The following ATP2B4 variants were observed in gnomAD, a reference collection of about 807,000 sequenced individuals.
The protein encoded by ATP2B4 is ATPase plasma membrane Ca2+ transporting 4, also known as plasma membrane calcium-transporting ATPase 4.
In ATP2B4, 39 loss-of-function variants were observed where a neutral mutation model predicts 110.3. That is an observed-to-expected ratio of 0.35 (90% CI 0.27 to 0.46). The LOEUF (loss-of-function observed/expected upper bound fraction) is 0.46. Ranked by LOEUF, ATP2B4 falls within the 20% of genes least tolerant of loss-of-function variation. The pLI is 1.00. For synonymous variants in ATP2B4, 538 were observed against 571.7 expected (o/e 0.94, Z 0.84); for missense variants, 1,135 against 1,530.9 (o/e 0.74, Z 4.32).
chr1:203,678,047 G>A (rs989751973), intron 1 of ATP2B4, among the ~76,000 whole-genome samples: 1 of 152,174 alleles, frequency 6.6e-6, no homozygotes, highest in African/African-American at 2.4e-5. Context: ...ATTATTCCAG[G>A]CAGGTCTGTC....
At chr1:203,684,295 A>T (rs1665109443) in intron 2 of ATP2B4, among the ~76,000 whole-genome samples, 1 of 151,586 alleles carries the variant, frequency 6.6e-6, no homozygotes, top group South Asian at 2.1e-4. Context: ...AGGTGAGAGG[A>T]TCACTTGAGC....
chr1:203,699,659 A>G lies in ATP2B4; in HGVS notation c.591A>G (p.Gln197=). ...EQKFSIIRNG[Q]LIQLPVAEIV... is the part of the protein sequence containing the mutation. Reference sequence around the variant, plus strand: ...AGTTCTCCATCATCCGAAACGGTCAACTCATCCAGCTCCCTGTGGCTGAGA... The same window carrying G: ...AGTTCTCCATCATCCGAAACGGTCAGCTCATCCAGCTCCCTGTGGCTGAGA... The change falls in exon 4 of 21, where the codon CAA becomes CAG. Residue 197 remains glutamine (Q), a synonymous_variant. Transcript: ENST00000357681. 6.2e-7 allele frequency: 1 copy of G among 1,614,058 alleles called. No individual in the cohort carries two copies. The highest frequency in any genetic ancestry group is 2.2e-5 in the East Asian group (1 of 44,884).
chr1:203,643,585 A>T (rs1383036116), intron 1 of ATP2B4, among the ~76,000 whole-genome samples: 1 of 152,206 alleles, frequency 6.6e-6, no homozygotes, highest in African/African-American at 2.4e-5. Flanking sequence ...CCTGGCTGGA[A>T]GGGGCTTGGC....
At chr1:203,723,059 C>T (rs1399881962) in intron 18 of ATP2B4, among the ~76,000 whole-genome samples, 2 of 152,086 alleles carry the variant, frequency 1.3e-5, no homozygotes, top group East Asian at 3.9e-4. Flanking sequence ...CTAGTATAGA[C>T]TCTCCCTGTC....
At chr1:203,647,664 T>A (rs777792756) in intron 1 of ATP2B4, among the ~76,000 whole-genome samples, 5 of 151,642 alleles carry the variant, frequency 3.3e-5, no homozygotes, top group African/African-American at 7.3e-5. Flanking sequence ...GAGGCTGAGG[T>A]GGGAGGCTTG....
At chr1:203,677,518 A>C (rs897314592) in intron 1 of ATP2B4, among the ~76,000 whole-genome samples, 1 of 152,172 alleles carries the variant, frequency 6.6e-6, no homozygotes, top group African/African-American at 2.4e-5. Context: ...GCGGGAGTGC[A>C]GTGGCACGAT....
intron 13 of ATP2B4, 104 bp downstream of exon 13, chr1:203,712,243 GT>G: frequency 7.5e-7 from 1 of 1,330,008 alleles, no homozygotes; most frequent in Non-Finnish European, 1.0e-6. Flanking sequence ...GGTTTCTAAA[GT>G]GAAAGCTATT....
intron 1 of ATP2B4, among the ~76,000 whole-genome samples, chr1:203,641,799 C>CA (rs1376992954): frequency 2.0e-5 from 3 of 151,902 alleles, no homozygotes; most frequent in African/African-American, 4.8e-5. Flanking sequence ...TTCTAATACA[C>CA]AAAAAAAGGT....
At chr1:203,657,009 A>G (rs1664182965) in intron 1 of ATP2B4, 5 of 737,610 alleles carry the variant, frequency 6.8e-6, no homozygotes, top group South Asian at 5.8e-5. Flanking sequence ...CATTTTCAGG[A>G]CTGTTGGTAA....
At chr1:203,672,309 T>A (rs72743699) in intron 1 of ATP2B4, among the ~76,000 whole-genome samples, 23,046 of 144,786 alleles carry the variant, frequency 0.16, 2,058 homozygotes, top group Middle Eastern at 0.24. Context: ...TGTTCCTGAG[T>A]AAGTTGCGGT....
intron 11 of ATP2B4, among the ~76,000 whole-genome samples, chr1:203,710,614 T>C (rs906966291): frequency 3.3e-5 from 5 of 152,216 alleles, no homozygotes; most frequent in African/African-American, 1.2e-4. Flanking sequence ...GATTCACAAA[T>C]GACTTGCATT....
At chr1:203,662,262 A>C (rs1215529425) in intron 1 of ATP2B4, among the ~76,000 whole-genome samples, 1 of 152,182 alleles carries the variant, frequency 6.6e-6, no homozygotes, top group Non-Finnish European at 1.5e-5. Flanking sequence ...TCCGGACCTC[A>C]TGATCCACCC....
At chr1:203,657,271 C>T (rs2102326720) in intron 1 of ATP2B4, 2 of 717,348 alleles carry the variant, frequency 2.8e-6, no homozygotes, top group South Asian at 3.2e-5. Flanking sequence ...CTTGTAAAGC[C>T]ATCTCCGACA....
Position 203,721,180 on chromosome 1 carries a change from G to A in ATP2B4, c.2599-17G>A, listed in dbSNP as rs747988476. The stretch of plus-strand genomic sequence containing the variant: ...TTTCAGAGAAAAGCTAAAAGGACTG[G>A]TTCTTCTCCCCGCCAGGATTCCCCA... On this transcript the variant is annotated splice_polypyrimidine_tract_variant and intron_variant, in intron 16 of 20. Coordinates refer to ENST00000357681, the MANE Select transcript of ATP2B4 (RefSeq NM_001684.5). 6 of 1,613,270 alleles carry A rather than the reference G, an allele frequency of 3.7e-6. No homozygotes were observed. The South Asian group carries it at 5.5e-5, about 15-fold the overall frequency.
At chr1:203,688,109 C>T (rs1389309500) in intron 2 of ATP2B4, among the ~76,000 whole-genome samples, 1 of 151,286 alleles carries the variant, frequency 6.6e-6, no homozygotes, top group Non-Finnish European at 1.5e-5. Flanking sequence ...CTGCAACCTC[C>T]GCCTCCCAGG....
intron 2 of ATP2B4, among the ~76,000 whole-genome samples, chr1:203,687,197 C>G (rs780977029): frequency 6.7e-6 from 1 of 148,742 alleles, no homozygotes; most frequent in Non-Finnish European, 1.5e-5. Flanking sequence ...CCAGTACCAA[C>G]AGTGACGTCC....
chr1:203,637,955 C>G (rs1041119419), intron 1 of ATP2B4, among the ~76,000 whole-genome samples: 1 of 152,174 alleles, frequency 6.6e-6, no homozygotes, highest in Admixed American at 6.5e-5. Flanking sequence ...GGTGCAGGGA[C>G]ACATGACCTA....
chr1:203,728,190 G>A (rs1666579512), intron 20 of ATP2B4: 1 of 469,484 alleles, frequency 2.1e-6, no homozygotes, highest in African/African-American at 2.0e-5. Context: ...TGACAAGGAG[G>A]AAGCAATAAT....
At chr1:203,698,053 C>T in intron 2 of ATP2B4, 104 bp from the exon 3 acceptor site, 2 of 948,450 alleles carry the variant, frequency 2.1e-6, no homozygotes, top group South Asian at 1.5e-5. Context: ...GTTGCCCAGG[C>T]TAGAGTGTAA....
Sources: allele counts gnomAD v4.1 joint callset (sites outside exome capture counted in the v4.1 genomes callset), GRCh38; gene constraint gnomAD v4.1.1; transcripts MANE v1.5; gene names NCBI Gene and HGNC (gene_info 2026-07-23, HGNC 2026-07-21).